The following CDH7 variants were observed in gnomAD, a reference collection of about 807,000 sequenced individuals.
CDH7 encodes the protein cadherin 7.
In CDH7, 25 loss-of-function variants were observed where a neutral mutation model predicts 71.8. The observed-to-expected ratio is 0.35, with a 90% CI of 0.25 to 0.49. The LOEUF is 0.49. Ranked by LOEUF, CDH7 falls within the 20% of genes least tolerant of loss-of-function variation. The probability of loss-of-function intolerance (pLI) is 0.99; values close to 1 mark genes in which losing one functional copy is unlikely to be tolerated. For missense variants in CDH7, 862 were observed against 974.6 expected (o/e 0.88, Z 1.54); for synonymous variants, 381 against 363.8 (o/e 1.05, Z -0.54).
chr18:65,844,123 A>C, intron 7 of CDH7, 58 bp downstream of exon 7: 1 of 1,487,356 alleles, frequency 6.7e-7, no homozygotes, highest in Non-Finnish European at 9.2e-7. Flanking sequence ...TCTTGTTCAC[A>C]ACTCTTATTT....
At chr18:65,778,529 CTT>C (rs1156727313) in intron 2 of CDH7, among the ~76,000 whole-genome samples, 4,315 of 84,390 alleles carry the variant, frequency 0.051, 365 homozygotes, top group African/African-American at 0.18. Context: ...GCGTCTCACT[CTT>C]TTTTTTTTTT....
intron 2 of CDH7, among the ~76,000 whole-genome samples, chr18:65,770,079 T>A (rs1469712624): frequency 6.6e-6 from 1 of 152,214 alleles, no homozygotes; most frequent in South Asian, 2.1e-4. Context: ...CTGTTGTCCA[T>A]GTTTAGAATC....
intron 2 of CDH7, among the ~76,000 whole-genome samples, chr18:65,766,182 A>G (rs1916359944): frequency 6.6e-6 from 1 of 152,116 alleles, no homozygotes; most frequent in African/African-American, 2.4e-5. Context: ...CAATTAAACT[A>G]TGGCAGAGAT....
chr18:65,880,473 T>A lies in CDH7; in HGVS notation c.1937T>A (p.Ile646Asn), dbSNP rs752483011. 6.6e-5 allele frequency: 106 copies of A among 1,595,082 alleles called. No homozygotes were observed. Among genetic ancestry groups the A allele is most frequent in the South Asian group, 9.1e-5 (8 of 87,582 alleles). ...CTTATTTTTGACGAAGAAAGAGACA[T>A]CAGAGAAAATATTGTGAGATACGAT... is the stretch of plus-strand genomic sequence containing the variant. ...EPLIFDEERD[I>N]RENIVRYDDE... Residue 646 changes from isoleucine (I) to asparagine (N), a missense_variant, in exon 12 of 12, where the codon ATC becomes AAC. Physicochemically the swap from Ile to Asn is moderately radical, Grantham distance 149. Coordinates refer to ENST00000397968, the MANE Select transcript of CDH7 (RefSeq NM_004361.5).
chr18:65,843,208 C>T (rs1912800190), intron 6 of CDH7, among the ~76,000 whole-genome samples: 1 of 152,006 alleles, frequency 6.6e-6, no homozygotes, highest in Non-Finnish European at 1.5e-5. Flanking sequence ...TAACTGTTAA[C>T]CTCCTAAAAT....
chr18:65,816,254 G>T (rs573395904), intron 4 of CDH7, among the ~76,000 whole-genome samples: 9 of 152,006 alleles, frequency 5.9e-5, no homozygotes, highest in Admixed American at 2.6e-4. Context: ...GGTCATGAAT[G>T]CAGAGACATT....
chr18:65,855,113 G>A (rs569468475), intron 7 of CDH7, among the ~76,000 whole-genome samples: 1 of 152,078 alleles, frequency 6.6e-6, no homozygotes, highest in Non-Finnish European at 1.5e-5. Flanking sequence ...AGTATACAGA[G>A]TATCTCCAAA....
intron 2 of CDH7, among the ~76,000 whole-genome samples, chr18:65,806,836 G>A (rs1237641291): frequency 6.6e-6 from 1 of 152,122 alleles, no homozygotes; most frequent in Non-Finnish European, 1.5e-5. Flanking sequence ...CACCTGTTAG[G>A]ATTAGTATAA....
intron 11 of CDH7, among the ~76,000 whole-genome samples, chr18:65,864,747 C>T (rs1330094159): frequency 7.9e-5 from 12 of 151,484 alleles, no homozygotes; most frequent in Admixed American, 4.6e-4. Flanking sequence ...AAAAATTAGC[C>T]AGGAGTGGTG....
chr18:65,756,643 G>T (rs1391509410), intron 1 of CDH7, among the ~76,000 whole-genome samples: 1 of 152,194 alleles, frequency 6.6e-6, no homozygotes, highest in Non-Finnish European at 1.5e-5. Flanking sequence ...TCCTTGCCTA[G>T]AATTTAGAGA....
Position 65,809,928 on chromosome 18 carries a change from T to C in CDH7, c.435T>C (p.Asp145=), listed in dbSNP as rs1911469731. 1 of 1,614,030 alleles carries C rather than the reference T, an allele frequency of 6.2e-7. No individual in the cohort carries two copies. ...PESEFVIKIQ[D]INDNEPKFLD... is the part of the protein sequence containing the mutation. ...CGGAGTTTGTCATCAAAATTCAGGA[T>C]ATCAACGACAATGAACCCAAATTTT... The change falls in exon 3 of 12, where the codon GAT becomes GAC. Residue 145 remains aspartate, a synonymous_variant. Coordinates refer to ENST00000397968, the MANE Select transcript of CDH7 (RefSeq NM_004361.5).
chr18:65,871,385 AAGG>A (rs1307411552), intron 11 of CDH7, among the ~76,000 whole-genome samples: 1 of 152,274 alleles, frequency 6.6e-6, no homozygotes, highest in African/African-American at 2.4e-5. Context: ...TAACTGAGGC[AAGG>A]AGAAGTAAAG....
chr18:65,782,069 T>C (rs192152954), intron 2 of CDH7, among the ~76,000 whole-genome samples: 2,335 of 54,424 alleles, frequency 0.043, 222 homozygotes, highest in Non-Finnish European at 0.052. Context: ...TTCCTTTCTT[T>C]CTTTCTTTCT....
At chr18:65,779,593 G>A (rs1184128133) in intron 2 of CDH7, among the ~76,000 whole-genome samples, 1 of 29,526 alleles carries the variant, frequency 3.4e-5, no homozygotes, top group Admixed American at 3.9e-4. Flanking sequence ...TGAGAATGAT[G>A]GTTTCCAATT....
At chr18:65,819,263 G>A (rs1333574838) in intron 4 of CDH7, among the ~76,000 whole-genome samples, 1 of 152,116 alleles carries the variant, frequency 6.6e-6, no homozygotes, top group Non-Finnish European at 1.5e-5. Flanking sequence ...TCCTCGATTT[G>A]CATGTAATTG....
intron 2 of CDH7, among the ~76,000 whole-genome samples, chr18:65,782,165 C>CTTTCTTCCTTT (rs1568182737): frequency 6.3e-4 from 16 of 25,498 alleles, no homozygotes; most frequent in Non-Finnish European, 9.8e-4. Flanking sequence ...TTTCTTTCTT[C>CTTTCTTCCTTT]CTTTCTTTCT....
At chr18:65,871,757 G>T (rs1412431543) in intron 11 of CDH7, among the ~76,000 whole-genome samples, 1 of 152,186 alleles carries the variant, frequency 6.6e-6, no homozygotes, top group Non-Finnish European at 1.5e-5. Context: ...AGTAAAGGAA[G>T]TGGTCATAAC....
rs56343945 is a variant in CDH7 at position 65,821,136 on chromosome 18, A to C, written c.626-945A>C. ...AAAAAATAACAAACAAACAAACAAA[A>C]AAAAAAACAAGAAAAGAAAAAGGTG... is the stretch of plus-strand genomic sequence containing the variant. On this transcript the variant is annotated intron_variant, in intron 4 of 11. Transcript: ENST00000397968. 9.1e-3 allele frequency among the ~76,000 whole-genome samples: 68 copies of C among 7,496 alleles called. No individual in the cohort carries two copies. In the South Asian group the frequency reaches 0.1, roughly 11 times the overall value. 4.9% of individuals were successfully genotyped at this position (7,496 alleles called of 152,430 possible).
At chr18:65,811,473 A>G (rs1391209051) in intron 3 of CDH7, among the ~76,000 whole-genome samples, 1 of 152,198 alleles carries the variant, frequency 6.6e-6, no homozygotes, top group Non-Finnish European at 1.5e-5. Context: ...TAATTAGCAC[A>G]TATGTAAGCA....
Sources: allele counts gnomAD v4.1 joint callset (sites outside exome capture counted in the v4.1 genomes callset), GRCh38; gene constraint gnomAD v4.1.1; transcripts MANE v1.5; gene names NCBI Gene and HGNC (gene_info 2026-07-23, HGNC 2026-07-21).